Variants in PPP1R2 observed in about 807,000 individuals in gnomAD.
The protein encoded by PPP1R2 is protein phosphatase 1 regulatory inhibitor subunit 2.
In PPP1R2, 16 loss-of-function variants were observed where a neutral mutation model predicts 29.9. The observed-to-expected ratio is 0.53, with a 90% CI of 0.36 to 0.81. The LOEUF is 0.81. Ranked by LOEUF, PPP1R2 falls within the 30% of genes least tolerant of loss-of-function variation. The pLI, the probability that PPP1R2 is intolerant of heterozygous loss-of-function variation, is 0.00. For synonymous variants in PPP1R2, 76 were observed against 91.5 expected (o/e 0.83, Z 0.96); for missense variants, 197 against 252.7 (o/e 0.78, Z 1.49).
At chr3:195,541,382 T>G (rs1360045163) in intron 1 of PPP1R2, among the ~76,000 whole-genome samples, 1 of 152,002 alleles carries the variant, frequency 6.6e-6, no homozygotes, top group Non-Finnish European at 1.5e-5. Context: ...TTCCTGCTGC[T>G]GAAAACCCTG....
chr3:195,536,356 G>A (rs1026784876), intron 1 of PPP1R2, among the ~76,000 whole-genome samples: 89 of 150,822 alleles, frequency 5.9e-4, no homozygotes, highest in Non-Finnish European at 6.6e-4. Context: ...CACCCAGCCA[G>A]TGTGTGCTTT....
chr3:195,541,923 T>G lies in PPP1R2; in HGVS notation c.122+981A>C, dbSNP rs1239145419. Among the ~76,000 whole-genome samples, 4 of 152,308 alleles carry G rather than the reference T, an allele frequency of 2.6e-5. No individual in the cohort carries two copies. The East Asian group carries it at 7.7e-4, about 29-fold the overall frequency. ...CAGTAGTTCCTTTTATGGTCCTAAA[T>G]AAGATCCTTTATCCAGGAATGCCCT... is the stretch of plus-strand genomic sequence containing the variant. On this transcript the variant is annotated intron_variant, in intron 1 of 5. Transcript: ENST00000618156.
At chr3:195,517,397 A>G (rs1426258024) in intron 5 of PPP1R2, among the ~76,000 whole-genome samples, 1 of 152,108 alleles carries the variant, frequency 6.6e-6, no homozygotes, top group Non-Finnish European at 1.5e-5. Context: ...AGAGATCTGA[A>G]AAGCTGGTAA....
At chr3:195,516,980 T>TAAAC (rs781709166) in intron 5 of PPP1R2, 38 bp from the exon 6 acceptor site, 1 of 1,571,106 alleles carries the variant, frequency 6.4e-7, no homozygotes, top group South Asian at 1.1e-5. Flanking sequence ...TAATTTGTTA[T>TAAAC]ATGTTGTCAA....
chr3:195,520,852 A>G (rs1317901493), intron 4 of PPP1R2, among the ~76,000 whole-genome samples: 1 of 151,740 alleles, frequency 6.6e-6, no homozygotes, highest in African/African-American at 2.4e-5. Flanking sequence ...GATTTTTACT[A>G]GAGACGGGGT....
chr3:195,529,592 T>C (rs1719106230), intron 2 of PPP1R2: 1 of 435,626 alleles, frequency 2.3e-6, no homozygotes, highest in Non-Finnish European at 4.0e-6. Flanking sequence ...ACCATTATAA[T>C]GTACAAAATG....
intron 4 of PPP1R2, among the ~76,000 whole-genome samples, chr3:195,522,836 G>A (rs1718813963): frequency 6.6e-6 from 1 of 152,184 alleles, no homozygotes; most frequent in Non-Finnish European, 1.5e-5. Flanking sequence ...TCACGGTACA[G>A]GAGGTAGTCC....
intron 1 of PPP1R2, among the ~76,000 whole-genome samples, chr3:195,533,503 T>C (rs1430772950): frequency 2.0e-5 from 3 of 152,162 alleles, no homozygotes; most frequent in Non-Finnish European, 4.4e-5. Flanking sequence ...AGTAACACCA[T>C]GGGAGTCATA....
rs374655356 is a variant in PPP1R2 at position 195,529,778 on chromosome 3, G to C, written c.230+16C>G. 6.0e-6 allele frequency: 9 copies of C among 1,505,264 alleles called. No individual in the cohort carries two copies. The African/African-American group carries it at 9.8e-5, about 16-fold the overall frequency. 93.2% of individuals were successfully genotyped at this position (1,505,264 alleles called of 1,614,324 possible). A position where few individuals can be genotyped will look rare whatever the true frequency, so the allele number is the denominator to read the frequency against. On this transcript the variant is annotated intron_variant, in intron 2 of 5. Coordinates refer to ENST00000618156, the MANE Select transcript of PPP1R2 (RefSeq NM_006241.8). ...GGAAGTAAGTCACAAGAGGAATGAC[G>C]TCTACGTAACATTACCTATGGTAAG... is the stretch of plus-strand genomic sequence containing the variant.
intron 4 of PPP1R2, among the ~76,000 whole-genome samples, chr3:195,522,839 GGTA>G (rs1463861879): frequency 6.6e-6 from 1 of 152,132 alleles, no homozygotes; most frequent in East Asian, 1.9e-4. Flanking sequence ...CGGTACAGGA[GGTA>G]GTCCCTACGC....
chr3:195,538,590 C>CA (rs1312645407), intron 1 of PPP1R2, among the ~76,000 whole-genome samples: 1 of 151,952 alleles, frequency 6.6e-6, no homozygotes, highest in African/African-American at 2.4e-5. Context: ...CAGAAAAAGA[C>CA]AAAGTTGAAG....
intron 5 of PPP1R2, among the ~76,000 whole-genome samples, chr3:195,518,221 G>A (rs1718619572): frequency 6.6e-6 from 1 of 151,860 alleles, no homozygotes; most frequent in South Asian, 2.1e-4. Flanking sequence ...CAGGGGCTGG[G>A]TGTCTAAGAC....
intron 1 of PPP1R2, among the ~76,000 whole-genome samples, chr3:195,541,645 G>A (rs1046579807): frequency 8.6e-5 from 13 of 151,560 alleles, no homozygotes; most frequent in African/African-American, 2.4e-4. Context: ...GTTATGTTCT[G>A]GTGAAATTCT....
intron 5 of PPP1R2, 53 bp from the exon 6 acceptor site, chr3:195,516,995 G>T: frequency 6.8e-7 from 1 of 1,473,530 alleles, no homozygotes; most frequent in Non-Finnish European, 9.5e-7. Flanking sequence ...TGTCAACCCT[G>T]GCTAAAGTTC....
rs560296590 is a variant in PPP1R2 at position 195,516,054 on chromosome 3, T to C, written c.*842A>G. The stretch of plus-strand genomic sequence containing the variant: ...ATCCTTTAAAAGGTAGAAGATTGTG[T>C]GCGTATGTGTGGAAAGGAGTAGGAA... On this transcript the variant is annotated 3_prime_UTR_variant, in exon 6 of 6. Transcript: ENST00000618156. The C allele has an allele frequency of 5.9e-5, 9 of 152,282 alleles. No homozygotes were observed. Among genetic ancestry groups the C allele is most frequent in the African/African-American group, 2.2e-4 (9 of 41,544 alleles). 9.4% of individuals were successfully genotyped at this position (152,282 alleles called of 1,614,324 possible).
intron 3 of PPP1R2, among the ~76,000 whole-genome samples, chr3:195,523,992 G>A (rs1339572685): frequency 1.3e-5 from 2 of 152,050 alleles, no homozygotes; most frequent in African/African-American, 2.4e-5. Context: ...GAAGGCCGAG[G>A]TGGGAGCACT....
Position 195,542,951 on chromosome 3 carries a change from C to A in PPP1R2, c.75G>T (p.Met25Ile). ...LKNKTSTTSS[M>I]VASAEQPRGN... ...CGCGGGGCTGTTCGGCCGACGCCAC[C>A]ATAGAGGAAGTCGTAGAGGTCTTGT... Residue 25 changes from methionine to isoleucine, a missense_variant, in exon 1 of 6, where the codon ATG becomes ATT. This residue lies in a region of PPP1R2 where 54 missense variants were observed against 60.6 expected (regional missense o/e 0.89). Coordinates refer to ENST00000618156, the MANE Select transcript of PPP1R2 (RefSeq NM_006241.8). 3.7e-6 allele frequency: 6 copies of A among 1,603,994 alleles called. No individual in the cohort carries two copies. Among genetic ancestry groups the A allele is most frequent in the Non-Finnish European group, 3.4e-6 (4 of 1,175,192 alleles).
intron 4 of PPP1R2, among the ~76,000 whole-genome samples, chr3:195,521,337 A>AAAAAC (rs1718754946): frequency 6.6e-6 from 1 of 150,736 alleles, no homozygotes. Flanking sequence ...AAAAAAAAAA[A>AAAAAC]AGAACTGCAA....
chr3:195,519,188 A>G lies in PPP1R2; in HGVS notation c.404-3T>C, dbSNP rs370965156. 1.6e-5 allele frequency: 26 copies of G among 1,592,360 alleles called. No homozygotes were observed. Among genetic ancestry groups the G allele is most frequent in the East Asian group, 4.5e-5 (2 of 44,600 alleles). On this transcript the variant is annotated splice_polypyrimidine_tract_variant and splice_region_variant and intron_variant, in intron 4 of 5. Coordinates refer to ENST00000618156, the MANE Select transcript of PPP1R2 (RefSeq NM_006241.8). ...CATTTCAAATTGTCGCTTTTTTTCT[A>G]TAAGATGCAAAATGTAAACTTAGGA... is the stretch of plus-strand genomic sequence containing the variant.
Sources: gnomAD v4.1 joint callset for allele counts (sites outside exome capture counted in the v4.1 genomes callset) on GRCh38, gnomAD v4.1.1 for gene constraint, gnomAD v4.1.1 regional missense constraint, MANE v1.5 for transcripts, NCBI Gene and HGNC (gene_info 2026-07-23, HGNC 2026-07-21) for gene names.